CASP10: variants seen among roughly 807,000 people sequenced by gnomAD.
CASP10 encodes the protein caspase-10.
CASP10 carries 41 observed loss-of-function variants against 48.5 expected under a neutral mutation model. The ratio of observed to expected loss-of-function variants is 0.85; its 90% CI spans 0.66 to 1.10. CASP10 has a LOEUF of 1.10. Among genes scored for constraint, CASP10 ranks in the 50% least tolerant of loss-of-function variants. CASP10 has a pLI of 0.00. For synonymous variants in CASP10, 232 were observed against 238.4 expected (o/e 0.97, Z 0.25); for missense variants, 614 against 614.5 (o/e 1.00, Z 0.01).
intron 5 of CASP10, among the ~76,000 whole-genome samples, chr2:201,198,694 C>T (rs1196964513): frequency 6.6e-6 from 1 of 151,808 alleles, no homozygotes; most frequent in East Asian, 1.9e-4. Context: ...GCGCCCGCCA[C>T]CACGCCTGGC....
In CASP10 at chr2:201,186,016, C is replaced by A; in HGVS notation, c.239C>A (p.Ala80Glu). The part of the protein sequence containing the change: ...LLSEEDPFFL[A>E]ELLYIIRQKK... ...AGTGAGGAAGACCCTTTCTTCCTGG[C>A]AGAACTCCTCTATATCATACGGCAG... The change falls in exon 2 of 10, where the codon GCA (alanine) becomes GAA (glutamate). Residue 80 changes from alanine to glutamate, a missense_variant. Transcript: ENST00000286186. 1 of 1,613,408 alleles carries A rather than the reference C, an allele frequency of 6.2e-7. No individual in the cohort carries two copies.
At chr2:201,222,733 A>G (rs1945740918), downstream of CASP10, among the ~76,000 whole-genome samples, 2 of 152,228 alleles carry the variant, frequency 1.3e-5, no homozygotes, top group Non-Finnish European at 2.9e-5. Context: ...ACCTATGCCC[A>G]GGCGGTGTAA....
chr2:201,205,841 C>T (rs867432179), intron 6 of CASP10, 41 bp from the exon 7 acceptor site: 1 of 1,174,282 alleles, frequency 8.5e-7, no homozygotes, highest in Non-Finnish European at 1.3e-6. Flanking sequence ...AATCTAAGTG[C>T]TTGGGGAAGA....
downstream of CASP10, among the ~76,000 whole-genome samples, chr2:201,222,855 G>A (rs772178051): frequency 1.3e-5 from 2 of 152,136 alleles, no homozygotes; most frequent in African/African-American, 4.8e-5. Context: ...CTCCACGGAG[G>A]TAAACTAAAC....
chr2:201,196,012 T>C (rs1362038392), intron 5 of CASP10, 64 bp downstream of exon 5: 1 of 1,077,792 alleles, frequency 9.3e-7, no homozygotes, highest in South Asian at 1.3e-5. Flanking sequence ...CTCCCCTCCC[T>C]GCCACCCCAA....
At chr2:201,198,873 C>A (rs922900432) in intron 5 of CASP10, among the ~76,000 whole-genome samples, 10 of 152,166 alleles carry the variant, frequency 6.6e-5, no homozygotes, top group Non-Finnish European at 8.8e-5. Flanking sequence ...TTTATGGCTT[C>A]TTTACTATTG....
At chr2:201,201,077 A>G (rs909092507) in intron 5 of CASP10, among the ~76,000 whole-genome samples, 1 of 151,838 alleles carries the variant, frequency 6.6e-6, no homozygotes, top group Non-Finnish European at 1.5e-5. Context: ...TATTTTTTTG[A>G]GATGGAGTCT....
Position 201,219,760 on chromosome 2 carries a change from G to C in CASP10, c.*2019G>C, listed in dbSNP as rs1945675837. ...GGAACTTTTTCTCTGTTAATTCCTG[G>C]AACTGTATTTTGAATCCTTAAAGGT... On this transcript the variant is annotated 3_prime_UTR_variant, in exon 10 of 10. Coordinates refer to ENST00000286186, the MANE Select transcript of CASP10 (RefSeq NM_032977.4). 1 of 978,518 alleles carries C rather than the reference G, an allele frequency of 1.0e-6. No homozygotes were observed. The highest frequency in any genetic ancestry group is 1.2e-6 in the Non-Finnish European group (1 of 827,734). 60.6% of individuals were successfully genotyped at this position (978,518 alleles called of 1,614,324 possible). A position where few individuals can be genotyped will look rare whatever the true frequency, so the allele number is the denominator to read the frequency against.
In CASP10 at chr2:201,187,736, T is replaced by C; in HGVS notation, c.378T>C (p.Ile126=). 1 of 1,614,130 alleles carries C rather than the reference T, an allele frequency of 6.2e-7. No homozygotes were observed. Residue 126 remains isoleucine, a synonymous_variant, in exon 3 of 10, where the codon ATT becomes ATC. Coordinates refer to ENST00000286186, the MANE Select transcript of CASP10 (RefSeq NM_032977.4). ...TGCTCTACGAACTGTCAGAAGGCATTGACTCAGAGAACTTAAAGGACATGA... is the reference window on the plus strand; with the variant it reads ...TGCTCTACGAACTGTCAGAAGGCATCGACTCAGAGAACTTAAAGGACATGA... ...RNLLYELSEG[I]DSENLKDMIF... is the part of the protein sequence containing the mutation.
downstream of CASP10, among the ~76,000 whole-genome samples, chr2:201,225,144 C>G (rs1421609543): frequency 1.3e-5 from 2 of 152,196 alleles, no homozygotes; most frequent in East Asian, 1.9e-4. Flanking sequence ...TTCAGTGCCA[C>G]CAGGGCTTCC....
chr2:201,190,331 A>G (rs966297815), intron 3 of CASP10, among the ~76,000 whole-genome samples: 1 of 152,132 alleles, frequency 6.6e-6, no homozygotes, highest in Non-Finnish European at 1.5e-5. Context: ...CATGACCTAA[A>G]GGTTCAGTAA....
Position 201,220,311 on chromosome 2 carries a change from T to A in CASP10, c.*2570T>A. The A allele has an allele frequency of 5.2e-6, 1 of 193,052 alleles. No homozygotes were observed. Among genetic ancestry groups the A allele is most frequent in the Non-Finnish European group, 8.8e-6 (1 of 113,162 alleles). 12.0% of individuals were successfully genotyped at this position (193,052 alleles called of 1,614,324 possible). ...GAGAGTAAAATACAGATAAGACAGC[T>A]CTGGCATAGAGGGAGGTGGGGGGGT... On this transcript the variant is annotated 3_prime_UTR_variant, in exon 10 of 10. Transcript: ENST00000286186.
intron 5 of CASP10, among the ~76,000 whole-genome samples, chr2:201,197,717 T>C (rs1559300760): frequency 6.6e-6 from 1 of 152,230 alleles, no homozygotes; most frequent in Non-Finnish European, 1.5e-5. Flanking sequence ...TGACTCTGAG[T>C]GAGGACTCAC....
intron 8 of CASP10, among the ~76,000 whole-genome samples, chr2:201,208,824 G>A (rs779579830): frequency 6.6e-6 from 1 of 152,144 alleles, no homozygotes; most frequent in Middle Eastern, 3.4e-3. Flanking sequence ...GATTACAGGC[G>A]TGAGCCACCA....
At position 201,218,075 on chromosome 2, in the gene CASP10, G is replaced by A. The variant is rs1220837378; in HGVS notation, c.*334G>A. 2.6e-5 allele frequency: 19 copies of A among 734,508 alleles called. No homozygotes were observed. The highest frequency in any genetic ancestry group is 9.0e-5 in the South Asian group (4 of 44,410). 45.5% of individuals were successfully genotyped at this position (734,508 alleles called of 1,614,324 possible). On this transcript the variant is annotated 3_prime_UTR_variant, in exon 10 of 10. Coordinates refer to ENST00000286186, the MANE Select transcript of CASP10 (RefSeq NM_032977.4). ...ACCACAGGTGTGTACCACCGTGCCC[G>A]GATTTTTTTTATTCTTTATTTTTTG...
chr2:201,211,386 C>T (rs1945388277), intron 9 of CASP10, among the ~76,000 whole-genome samples: 1 of 152,158 alleles, frequency 6.6e-6, no homozygotes, highest in African/African-American at 2.4e-5. Context: ...TCTCATCTTC[C>T]CTTCCCTCCT....
Position 201,209,285 on chromosome 2 carries a change from C to A in CASP10, c.1138C>A (p.His380Asn). Residue 380 changes from histidine to asparagine, a missense_variant, in exon 9 of 10, where the codon CAC becomes AAC. Transcript: ENST00000286186. ...ALIPIREIMS[H>N]FTALQCPRLA... ...CATTCCCATTCGGGAGATCATGTCT[C>A]ACTTCACAGCCCTGCAGTGCCCTAG... 6.2e-7 allele frequency: 1 copy of A among 1,614,164 alleles called. No individual in the cohort carries two copies.
At chr2:201,201,445 T>C (rs1026043769) in intron 5 of CASP10, among the ~76,000 whole-genome samples, 3 of 152,176 alleles carry the variant, frequency 2.0e-5, no homozygotes, top group African/African-American at 7.2e-5. Context: ...CAACTTGTTT[T>C]GTGCTCAGAT....
chr2:201,216,378 G>T (rs1030031267), intron 9 of CASP10, among the ~76,000 whole-genome samples: 1 of 151,818 alleles, frequency 6.6e-6, no homozygotes, highest in African/African-American at 2.4e-5. Flanking sequence ...CTAACAAAAA[G>T]AGGCAATTTC....
Sources: allele counts gnomAD v4.1 joint callset (sites outside exome capture counted in the v4.1 genomes callset), GRCh38; gene constraint gnomAD v4.1.1; transcripts MANE v1.5; gene names NCBI Gene and HGNC (gene_info 2026-07-23, HGNC 2026-07-21).